The following MSMB variants were observed in gnomAD, a reference collection of about 807,000 sequenced individuals.
MSMB encodes beta-microseminoprotein.
MSMB carries 10 observed loss-of-function variants against 10.5 expected under a neutral mutation model. The ratio of observed to expected loss-of-function variants is 0.95; its 90% CI spans 0.59 to 1.62. The LOEUF is 1.62. Among genes scored for constraint, MSMB ranks in the 40% most tolerant of loss-of-function variants. MSMB has a pLI of 0.00. For synonymous variants in MSMB, 43 were observed against 46.5 expected (o/e 0.93, Z 0.30); for missense variants, 126 against 137.4 (o/e 0.92, Z 0.42).
Position 46,033,499 on chromosome 10 carries a change from T to C in MSMB, c.268A>G (p.Lys90Glu), listed in dbSNP as rs782319552. The change falls in exon 4 of 4, where the codon AAG (lysine) becomes GAG (glutamate). Residue 90 changes from lysine (K) to glutamate (E), a missense_variant. Transcript: ENST00000582163. ...ACCACGATATACTTGCAGTCCTCCT[T>C]CTTGAAGATTCTTTGGCAGTTGTCT... ...DKDNCQRIFK[K>E]EDCKYIVVEK... 2 of 1,613,896 alleles carry C rather than the reference T, an allele frequency of 1.2e-6. No homozygotes were observed. The highest frequency in any genetic ancestry group is 1.3e-5 in the African/African-American group (1 of 75,038).
intron 2 of MSMB, among the ~76,000 whole-genome samples, chr10:46,039,698 G>A (rs1156827625): frequency 2.0e-5 from 3 of 152,138 alleles, no homozygotes; most frequent in East Asian, 1.9e-4. Flanking sequence ...CCTGGCCAAC[G>A]TGGCAAAGCC....
At chr10:46,039,912 AAGGCTT>A (rs1840702596) in intron 2 of MSMB, 68 bp downstream of exon 2, 1 of 1,119,232 alleles carries the variant, frequency 8.9e-7, no homozygotes, top group Non-Finnish European at 1.3e-6. Context: ...CAGAAACACA[AAGGCTT>A]TCATCTGCAG....
intron 2 of MSMB, 49 bp downstream of exon 2, chr10:46,039,937 A>G (rs782775006): frequency 6.1e-5 from 84 of 1,385,844 alleles, no homozygotes; most frequent in Non-Finnish European, 8.1e-5. Context: ...AGACAGGTCC[A>G]TCTACCAGGC....
intron 1 of MSMB, among the ~76,000 whole-genome samples, chr10:46,043,043 C>G (rs1590197857): frequency 6.6e-6 from 1 of 152,152 alleles, no homozygotes; most frequent in South Asian, 2.1e-4. Context: ...TTCTGAGTAG[C>G]CTTCAGCTCG....
chr10:46,036,955 G>A (rs1840622964), intron 3 of MSMB, among the ~76,000 whole-genome samples: 1 of 152,210 alleles, frequency 6.6e-6, no homozygotes, highest in African/African-American at 2.4e-5. Flanking sequence ...AATTTCTGGA[G>A]CCACAAAATC....
chr10:46,044,005 G>A (rs1840818601), intron 1 of MSMB, among the ~76,000 whole-genome samples: 1 of 152,042 alleles, frequency 6.6e-6, no homozygotes, highest in African/African-American at 2.4e-5. Context: ...TGCAGATTCT[G>A]CTTCAGTAGG....
At position 46,039,073 on chromosome 10, in the gene MSMB, T is replaced by C. The variant is rs1554928016; in HGVS notation, c.110-2A>G. On this transcript the variant is annotated splice_acceptor_variant, in intron 2 of 3. Coordinates refer to ENST00000582163, the MANE Select transcript of MSMB (RefSeq NM_002443.4). LOFTEE classifies it high-confidence loss of function. ...TGTTTCCTTTGAGATCCATGCATTC[T>C]AAAATAATACACACAACATCATCAG... 7.4e-6 allele frequency: 12 copies of C among 1,612,906 alleles called. No individual in the cohort carries two copies. In the South Asian group the frequency reaches 1.3e-4, roughly 18 times the overall value.
chr10:46,033,332 A>C lies in MSMB; in HGVS notation c.*90T>G. 6.6e-7 allele frequency: 1 copy of C among 1,504,468 alleles called. No individual in the cohort carries two copies. 93.2% of individuals were successfully genotyped at this position (1,504,468 alleles called of 1,614,324 possible). ...CAAGTGTTTGCTCAAAAATCTTTTT[A>C]CTGATAGGCATGGCTACACAATCAT... On this transcript the variant is annotated 3_prime_UTR_variant, in exon 4 of 4. Coordinates refer to ENST00000582163, the MANE Select transcript of MSMB (RefSeq NM_002443.4).
At position 46,041,878 on chromosome 10, in the gene MSMB, AC is replaced by A. The variant is rs201256298; in HGVS notation, c.4-1788del. On this transcript the variant is annotated intron_variant, in intron 1 of 3. Coordinates refer to ENST00000582163, the MANE Select transcript of MSMB (RefSeq NM_002443.4). ...GTTGGATAGGGTAAAAAAGAAAAAA[AC>A]AAAACCCAGAAAGTATAAATATATG... Among the ~76,000 whole-genome samples the A allele has an allele frequency of 7.8e-3, 1,192 of 151,932 alleles. 9 individuals carry two copies. The highest frequency in any genetic ancestry group is 0.019 in the East Asian group (96 of 5,182).
At chr10:46,038,865 AAAAAC>A in intron 3 of MSMB, 96 bp downstream of exon 3, 7 of 1,005,600 alleles carry the variant, frequency 7.0e-6, no homozygotes, top group Non-Finnish European at 1.1e-5. Context: ...AAACTAAAAC[AAAAAC>A]TAAACCCCTG....
intron 3 of MSMB, among the ~76,000 whole-genome samples, chr10:46,037,920 C>T (rs1423894787): frequency 6.6e-6 from 1 of 152,216 alleles, no homozygotes; most frequent in Non-Finnish European, 1.5e-5. Context: ...CTCCATATTA[C>T]AGAACATGAT....
At chr10:46,035,772 A>G (rs1590192600) in intron 3 of MSMB, among the ~76,000 whole-genome samples, 1 of 152,128 alleles carries the variant, frequency 6.6e-6, no homozygotes. Context: ...GCTGAATTGT[A>G]TGTTTTAAAA....
chr10:46,036,754 G>A lies in MSMB; in HGVS notation c.215+2212C>T, dbSNP rs79019072. On this transcript the variant is annotated intron_variant, in intron 3 of 3. Coordinates refer to ENST00000582163, the MANE Select transcript of MSMB (RefSeq NM_002443.4). ...TGGCTCGTTTCCACACCAGGACCAC[G>A]AGAATCCCAGCCTACAGTGGAGAAT... 2.4e-4 allele frequency among the ~76,000 whole-genome samples: 37 copies of A among 152,284 alleles called. No homozygotes were observed. The East Asian group carries it at 6.0e-3, about 25-fold the overall frequency.
intron 3 of MSMB, 24 bp from the exon 4 acceptor site, chr10:46,033,575 C>T (rs556157122): frequency 5.0e-6 from 8 of 1,611,670 alleles, no homozygotes; most frequent in South Asian, 4.4e-5. Flanking sequence ...AAAACTGGGG[C>T]CTGTTAGAAG....
At chr10:46,041,022 T>A (rs1211590887) in intron 1 of MSMB, among the ~76,000 whole-genome samples, 1 of 151,304 alleles carries the variant, frequency 6.6e-6, no homozygotes, top group African/African-American at 2.4e-5. Flanking sequence ...TGGAATGAAG[T>A]GTTCCCTGAT....
intron 3 of MSMB, among the ~76,000 whole-genome samples, chr10:46,034,304 C>T (rs1258770190): frequency 2.0e-5 from 3 of 151,066 alleles, no homozygotes; most frequent in Non-Finnish European, 3.0e-5. Context: ...GTAGAGATGG[C>T]GGGTCGGCGC....
At chr10:46,042,564 A>G (rs1840777399) in intron 1 of MSMB, among the ~76,000 whole-genome samples, 1 of 152,218 alleles carries the variant, frequency 6.6e-6, no homozygotes, top group Admixed American at 6.5e-5. Context: ...TTCATCTCCA[A>G]GATGTGATCC....
intron 1 of MSMB, 37 bp from the exon 2 acceptor site, chr10:46,040,128 T>C: frequency 1.9e-6 from 3 of 1,561,452 alleles, no homozygotes; most frequent in South Asian, 2.2e-5. Context: ...GAGAATGAAT[T>C]AATTCAAAGG....
At chr10:46,038,617 C>G (rs1020592586) in intron 3 of MSMB, among the ~76,000 whole-genome samples, 1 of 152,042 alleles carries the variant, frequency 6.6e-6, no homozygotes, top group South Asian at 2.1e-4. Context: ...AGAAATAGGA[C>G]TGAAAACTAA....
Sources: gnomAD v4.1 joint callset for allele counts (sites outside exome capture counted in the v4.1 genomes callset) on GRCh38, gnomAD v4.1.1 for gene constraint, MANE v1.5 for transcripts, NCBI Gene and HGNC (gene_info 2026-07-23, HGNC 2026-07-21) for gene names.